EML3: variants seen among roughly 807,000 people sequenced by gnomAD.
EML3 encodes echinoderm microtubule-associated protein-like 3.
EML3 carries 53 observed loss-of-function variants against 106.7 expected under a neutral mutation model. The observed-to-expected ratio is 0.50, with a 90% CI of 0.40 to 0.62. The LOEUF (loss-of-function observed/expected upper bound fraction) is 0.62. EML3 is among the 20% of genes least tolerant of loss of function. EML3 has a pLI of 0.00. For missense variants in EML3, 994 were observed against 1,209.1 expected (o/e 0.82, Z 2.64); for synonymous variants, 499 against 489.6 (o/e 1.02, Z -0.25).
At position 62,609,105 on chromosome 11, in the gene EML3, G is replaced by C; in HGVS notation, c.786C>G (p.Arg262=). Residue 262 remains arginine, a synonymous_variant, in exon 7 of 22, where the codon CGC becomes CGG. Coordinates refer to ENST00000394773, the MANE Select transcript of EML3 (RefSeq NM_153265.3). The stretch of plus-strand genomic sequence containing the variant: ...CAGAGCGCAACACAAACAGATTAGA[G>C]CGGGAGTCACGACCCCTGTACCCAT... The part of the protein sequence containing the change: ...WVYGYRGRDS[R]SNLFVLRSGE... 1.2e-6 allele frequency: 2 copies of C among 1,614,060 alleles called. No homozygotes were observed. The highest frequency in any genetic ancestry group is 1.7e-6 in the Non-Finnish European group (2 of 1,180,026).
In EML3 at chr11:62,602,504, G is replaced by A. The variant is rs750987914; in HGVS notation, c.2662C>T (p.Leu888=). The A allele has an allele frequency of 7.9e-6, 12 of 1,525,470 alleles. No homozygotes were observed. In the South Asian group the frequency reaches 9.9e-5, roughly 13 times the overall value. 94.5% of individuals were successfully genotyped at this position (1,525,470 alleles called of 1,614,324 possible). The change falls in exon 22 of 22, where the codon CTG becomes TTG. Residue 888 remains leucine (L), a synonymous_variant. Coordinates refer to ENST00000394773, the MANE Select transcript of EML3 (RefSeq NM_153265.3). The part of the protein sequence containing the change: ...APATPSRTPS[L]SPASSLDV ...ACGTCGAGGGAGGAGGCGGGGGACAGGGAGGGGGTTCGAGAGGGCGTGGCG... is the reference window on the plus strand; with the variant it reads ...ACGTCGAGGGAGGAGGCGGGGGACAAGGAGGGGGTTCGAGAGGGCGTGGCG...
Position 62,606,079 on chromosome 11 carries a change from G to A in EML3, c.1640C>T (p.Ala547Val), listed in dbSNP as rs757388631. The change falls in exon 13 of 22, where the codon GCC (alanine) becomes GTC (valine). Residue 547 changes from alanine to valine, a missense_variant. Around this residue, in one of 3 missense-constraint regions of EML3, gnomAD observed 713 missense variants for 920.5 expected, o/e 0.77. Transcript: ENST00000394773. The part of the protein sequence containing the change: ...RLVQWGPGLV[A>V]LQEAEIPEHF... ...AGCCCTCACCTCAGCCTCCTGGAGG[G>A]CCACCAACCCGGGCCCCCACTGTAC... 1.5e-5 allele frequency: 25 copies of A among 1,613,898 alleles called. No homozygotes were observed. The highest frequency in any genetic ancestry group is 1.9e-5 in the Non-Finnish European group (23 of 1,180,000).
chr11:62,607,715 A>ACTC lies in EML3; in HGVS notation c.1310_1312dup (p.Gly437dup). On this transcript the variant is annotated inframe_insertion, in exon 11 of 22. Coordinates refer to ENST00000394773, the MANE Select transcript of EML3 (RefSeq NM_153265.3). Reference sequence around the variant, plus strand: ...AAGGGTCCCATTCCCAGGAACCCCTACTCCACCACTCCAATTCCAGAAGTG... The same window carrying ACTC: ...AAGGGTCCCATTCCCAGGAACCCCTACTCCTCCACCACTCCAATTCCAGAAGTG... 2 of 1,613,648 alleles carry ACTC rather than the reference A, an allele frequency of 1.2e-6. No individual in the cohort carries two copies. Among genetic ancestry groups the ACTC allele is most frequent in the South Asian group, 2.2e-5 (2 of 91,044 alleles).
At chr11:62,606,873 AAG>A in intron 12 of EML3, 83 bp downstream of exon 12, 4 of 1,429,418 alleles carry the variant, frequency 2.8e-6, no homozygotes, top group South Asian at 1.4e-5. Context: ...AAAAAAAAAA[AAG>A]ATGGGAATGG....
At chr11:62,604,960 C>T (rs1195468632) in intron 16 of EML3, 153 bp downstream of exon 16, 4 of 576,580 alleles carry the variant, frequency 6.9e-6, no homozygotes, top group South Asian at 2.5e-5. Context: ...GAGGGGAGCC[C>T]GGGTGGCAGG....
At position 62,606,261 on chromosome 11, in the gene EML3, G is replaced by A. The variant is rs768420540; in HGVS notation, c.1505-47C>T. 11 of 1,588,204 alleles carry A rather than the reference G, an allele frequency of 6.9e-6. No individual in the cohort carries two copies. In the Admixed American group the frequency reaches 2.0e-4, roughly 29 times the overall value. ...GATCATGTTTTGGGGGTGCAGGGGA[G>A]TGAGAAACAGGGCCAGCTTGGCTGT... On this transcript the variant is annotated intron_variant, in intron 12 of 21. Transcript: ENST00000394773.
At chr11:62,611,739 G>C (rs921069822) in intron 1 of EML3, 143 bp from the exon 2 acceptor site, 4 of 948,234 alleles carry the variant, frequency 4.2e-6, no homozygotes, top group African/African-American at 3.3e-5. Flanking sequence ...CGTCCAGAGG[G>C]GAGGAGACGG....
chr11:62,603,282 C>A, intron 19 of EML3, 35 bp from the exon 20 acceptor site: 1 of 1,595,312 alleles, frequency 6.3e-7, no homozygotes, highest in Non-Finnish European at 8.6e-7. Context: ...TCAGCTCTCA[C>A]CCTGCCCTCA....
intron 17 of EML3, 33 bp downstream of exon 17, chr11:62,604,080 C>G (rs374127350): frequency 1.9e-6 from 3 of 1,614,018 alleles, no homozygotes; most frequent in Non-Finnish European, 2.5e-6. Flanking sequence ...GGGCCAGGGA[C>G]GCATGTGAGT....
intron 1 of EML3, 60 bp from the exon 2 acceptor site, chr11:62,611,656 G>A (rs1942836151): frequency 1.3e-6 from 2 of 1,528,150 alleles, no homozygotes; most frequent in Non-Finnish European, 1.8e-6. Flanking sequence ...GCGTAGAGGG[G>A]ATTCTGTCTC....
At chr11:62,608,094 G>C in intron 10 of EML3, 107 bp downstream of exon 10, 1 of 1,143,984 alleles carries the variant, frequency 8.7e-7, no homozygotes, top group Non-Finnish European at 1.3e-6. Context: ...TGCCCCATGT[G>C]ACCCAGCCAA....
intron 4 of EML3, 53 bp from the exon 5 acceptor site, chr11:62,609,749 C>T (rs991091434): frequency 8.1e-6 from 12 of 1,486,424 alleles, no homozygotes; most frequent in East Asian, 4.7e-5. Context: ...AAGACCTAAG[C>T]GGGGAGGGGC....
chr11:62,603,031 G>A (rs1351229545), intron 20 of EML3, 118 bp downstream of exon 20: 5 of 1,529,014 alleles, frequency 3.3e-6, no homozygotes, highest in Non-Finnish European at 4.4e-6. Flanking sequence ...GGGGCCTCCT[G>A]GGCTGGATCT....
intron 1 of EML3, chr11:62,611,859 C>A: frequency 1.9e-6 from 1 of 527,048 alleles, no homozygotes. Flanking sequence ...CATGGAGTAC[C>A]GGGGGGGAAA....
rs1942606755 is a variant in EML3, at chr11:62,607,686, G to A, written c.1342C>T (p.Arg448Trp). 13 of 1,613,436 alleles carry A rather than the reference G, an allele frequency of 8.1e-6. No individual in the cohort carries two copies. The highest frequency in any genetic ancestry group is 1.1e-5 in the Non-Finnish European group (13 of 1,179,876). ...CTCACCCCAAAGACACCCTGTTTCC[G>A]GGTAAGGGTCCCATTCCCAGGAACC... The part of the protein sequence containing the change: ...VGVPGNGTLT[R>W]KQGVFGKYKK... The change falls in exon 11 of 22, where the codon CGG becomes TGG. Residue 448 changes from arginine (R) to tryptophan (W), a missense_variant. By Grantham distance (101) the Arg-to-Trp change is moderately radical (BLOSUM62 -3). Coordinates refer to ENST00000394773, the MANE Select transcript of EML3 (RefSeq NM_153265.3).
At position 62,602,354 on chromosome 11, in the gene EML3, C is replaced by A. The variant is rs1184606125; in HGVS notation, c.*121G>T. 4 of 1,390,764 alleles carry A rather than the reference C, an allele frequency of 2.9e-6. No homozygotes were observed. The highest frequency in any genetic ancestry group is 2.4e-5 in the South Asian group (2 of 81,920). The allele number at this position is 1,390,764 out of a possible 1,614,324, so 86.2% of individuals were successfully genotyped here. On this transcript the variant is annotated 3_prime_UTR_variant, in exon 22 of 22. Coordinates refer to ENST00000394773, the MANE Select transcript of EML3 (RefSeq NM_153265.3). ...CGCGCCCTCCAGGAAAATGCGCGAT[C>A]GGGAATGTCTCGAAGTCAGTCCAGG...
chr11:62,609,467 T>C lies in EML3; in HGVS notation c.645A>G (p.Ser215=). ...GGCGCCCTCGAAGGAACATCTTCAC[T>C]GAGATGCCTTCTACAGAGAAAAGGG... is the stretch of plus-strand genomic sequence containing the variant. ...RRSNYNLEGI[S]VKMFLRGRPI... is the part of the protein sequence containing the mutation. The change falls in exon 6 of 22, where the codon TCA becomes TCG. Residue 215 remains serine, a synonymous_variant. Transcript: ENST00000394773. 3 of 1,576,490 alleles carry C rather than the reference T, an allele frequency of 1.9e-6. No homozygotes were observed. The highest frequency in any genetic ancestry group is 2.6e-6 in the Non-Finnish European group (3 of 1,160,476).
In EML3 at chr11:62,609,066, G is replaced by C; in HGVS notation, c.825C>G (p.Tyr275Ter). The C allele has an allele frequency of 6.2e-7, 1 of 1,614,078 alleles. No homozygotes were observed. Among genetic ancestry groups the C allele is most frequent in the African/African-American group, 1.3e-5 (1 of 75,012 alleles). The stretch of plus-strand genomic sequence containing the variant: ...ACAGCACCACCACACAGGCGATAAA[G>C]TAGACCACCTCCCCAGAGCGCAACA... ...LFVLRSGEVV[Y>*]FIACVVVLYR... is the part of the protein sequence containing the mutation. The change falls in exon 7 of 22, where the codon TAC (tyrosine) becomes TAG (stop). Residue 275 changes from tyrosine (Y) to a stop codon, truncating the protein, a stop_gained. Coordinates refer to ENST00000394773, the MANE Select transcript of EML3 (RefSeq NM_153265.3). LOFTEE classifies it high-confidence loss of function.
chr11:62,602,942 C>T, intron 20 of EML3, 53 bp from the exon 21 acceptor site: 2 of 1,491,030 alleles, frequency 1.3e-6, no homozygotes, highest in Non-Finnish European at 1.8e-6. Context: ...CACCCACGGC[C>T]CAGAGCTACA....
Sources: allele counts gnomAD v4.1 joint callset, GRCh38; gene constraint gnomAD v4.1.1; regional missense constraint gnomAD v4.1.1; transcripts MANE v1.5; gene names NCBI Gene and HGNC (gene_info 2026-07-23, HGNC 2026-07-21).